The following ADAMTS20 variants were observed in gnomAD, a reference collection of about 807,000 sequenced individuals.
ADAMTS20 encodes ADAM metallopeptidase with thrombospondin type 1 motif 20, also known as A disintegrin and metalloproteinase with thrombospondin motifs 20.
Under a neutral mutation model 260.1 loss-of-function variants are expected in ADAMTS20, and 225 were observed. The ratio of observed to expected loss-of-function variants is 0.87; its 90% confidence interval spans 0.78 to 0.97. ADAMTS20 has a LOEUF of 0.97. ADAMTS20 is among the 50% of genes least tolerant of loss of function. The probability of loss-of-function intolerance (pLI) is 0.00; values close to 1 mark genes in which losing one functional copy is unlikely to be tolerated. For synonymous variants in ADAMTS20, 802 were observed against 769.5 expected, an observed-to-expected ratio of 1.04 and a Z score of -0.70; for missense variants, 2,400 against 2,337.7, an observed-to-expected ratio of 1.03 and a Z score of -0.55.
At chr12:43,355,341 G>A (rs1391918138) in intron 38 of ADAMTS20, among the ~76,000 whole-genome samples, 1 of 152,090 alleles carries the variant, frequency 6.6e-6, no homozygotes, top group Non-Finnish European at 1.5e-5. Context: ...AAGTATATCT[G>A]GATTTTACCA....
Position 43,551,908 on chromosome 12 carries a change from TTGGCCACCCACATGGTTCCACCC to T in ADAMTS20, c.-10_13del, listed in dbSNP as rs1209670963. 6.2e-7 allele frequency: 1 copy of T among 1,613,608 alleles called. No homozygotes were observed. The highest frequency in any genetic ancestry group is 1.1e-5 in the South Asian group (1 of 91,088). ...ATGGTAGAGCAGCCCAGTCAGCCAC[TTGGCCACCCACATGGTTCCACCC>T]TGGGGACCCCGATCGGGGAGGCCCA... is the stretch of plus-strand genomic sequence containing the variant. On this transcript the variant is annotated start_lost and 5_prime_UTR_variant, in exon 1 of 39. Transcript: ENST00000389420. The surrounding 1 kb of genome is among the most constrained non-coding windows in gnomAD (Gnocchi z 4.6).
intron 31 of ADAMTS20, 91 bp from the exon 32 acceptor site, chr12:43,377,653 T>A: frequency 1.0e-6 from 1 of 993,298 alleles, no homozygotes; most frequent in Non-Finnish European, 1.4e-6. Flanking sequence ...TTATGCTGTG[T>A]CATTTCCACA....
Position 43,427,484 on chromosome 12 carries a change from A to AC in ADAMTS20, c.3946-16dup. Reference sequence around the variant, plus strand: ...CTGCTGGAGCACTGACAAGAATAAAACACAAAATATGCACAAACTGCGGAT... The same window carrying AC: ...CTGCTGGAGCACTGACAAGAATAAAACCACAAAATATGCACAAACTGCGGAT... On this transcript the variant is annotated splice_polypyrimidine_tract_variant and intron_variant, in intron 26 of 38. Coordinates refer to ENST00000389420, the MANE Select transcript of ADAMTS20 (RefSeq NM_025003.5). The AC allele has an allele frequency of 6.3e-7, 1 of 1,590,772 alleles. No homozygotes were observed. The highest frequency in any genetic ancestry group is 8.5e-7 in the Non-Finnish European group (1 of 1,170,002).
intron 9 of ADAMTS20, 105 bp from the exon 10 acceptor site, chr12:43,464,837 A>G: frequency 7.9e-7 from 1 of 1,266,722 alleles, no homozygotes; most frequent in Non-Finnish European, 1.1e-6. Context: ...AGAGAATATC[A>G]GTATTTATTC....
At chr12:43,440,428 G>A (rs993398183) in intron 16 of ADAMTS20, among the ~76,000 whole-genome samples, 1 of 152,114 alleles carries the variant, frequency 6.6e-6, no homozygotes, top group Non-Finnish European at 1.5e-5. Flanking sequence ...GATTACAGGC[G>A]TGAGCAACCG....
chr12:43,463,296 A>T lies in ADAMTS20; in HGVS notation c.1510-297T>A, dbSNP rs185606012. 3.7e-4 allele frequency among the ~76,000 whole-genome samples: 56 copies of T among 152,314 alleles called. 1 individual carries two copies. Among genetic ancestry groups the T allele is most frequent in the Admixed American group, 3.1e-3 (48 of 15,294 alleles). On this transcript the variant is annotated intron_variant, in intron 10 of 38. Transcript: ENST00000389420. ...TGAGATAGTTTTCTCTCTTTACAAG[A>T]TATCTTTCTAAAGAACTTTTTATTG...
intron 27 of ADAMTS20, among the ~76,000 whole-genome samples, chr12:43,426,072 A>G (rs1941327472): frequency 6.6e-6 from 1 of 152,180 alleles, no homozygotes; most frequent in African/African-American, 2.4e-5. Context: ...ACAATATCCA[A>G]TCAACAGGTT....
intron 31 of ADAMTS20, among the ~76,000 whole-genome samples, chr12:43,380,620 G>A (rs757613633): frequency 7.2e-5 from 11 of 151,794 alleles, no homozygotes; most frequent in Non-Finnish European, 1.2e-4. Context: ...CACAAGCAAC[G>A]AATAATAAGA....
At chr12:43,375,818 C>T (rs1269492681) in intron 35 of ADAMTS20, among the ~76,000 whole-genome samples, 1 of 152,158 alleles carries the variant, frequency 6.6e-6, no homozygotes, top group East Asian at 1.9e-4. Flanking sequence ...GACTTCTCAC[C>T]CACAGTATTC....
At chr12:43,507,262 G>T (rs1245273355) in intron 3 of ADAMTS20, among the ~76,000 whole-genome samples, 1 of 152,128 alleles carries the variant, frequency 6.6e-6, no homozygotes, top group African/African-American at 2.4e-5. Context: ...TAAAGCTGGG[G>T]TGGGGGAAGT....
In ADAMTS20 at chr12:43,399,122, G is replaced by T. The variant is rs780764223; in HGVS notation, c.4396C>A (p.His1466Asn). ...CATCTGACAGATCTACAGGCTTTGT[G>T]AGTTGGAGGTTTCTGTACTTGACTG... is the stretch of plus-strand genomic sequence containing the variant. ...NCSQVQKPPT[H>N]KACRSVRCPS... The change falls in exon 29 of 39, where the codon CAC becomes AAC. Residue 1466 changes from histidine to asparagine, a missense_variant. By Grantham distance (68) the His-to-Asn change is moderately conservative. Transcript: ENST00000389420. 1 of 1,552,306 alleles carries T rather than the reference G, an allele frequency of 6.4e-7. No homozygotes were observed. Among genetic ancestry groups the T allele is most frequent in the Non-Finnish European group, 8.7e-7 (1 of 1,146,936 alleles).
chr12:43,459,360 G>A (rs189577866), intron 11 of ADAMTS20, among the ~76,000 whole-genome samples: 27 of 152,278 alleles, frequency 1.8e-4, no homozygotes, highest in African/African-American at 2.6e-4. Flanking sequence ...ACTAGTCACC[G>A]GGTTCCATGG....
intron 3 of ADAMTS20, among the ~76,000 whole-genome samples, chr12:43,523,607 G>A (rs970379794): frequency 1.3e-5 from 2 of 152,036 alleles, no homozygotes; most frequent in African/African-American, 4.8e-5. Context: ...GAAAAATTGT[G>A]ACTTTGAGAT....
At chr12:43,418,855 T>C (rs1249480511) in intron 28 of ADAMTS20, among the ~76,000 whole-genome samples, 2 of 152,204 alleles carry the variant, frequency 1.3e-5, no homozygotes, top group Admixed American at 1.3e-4. Flanking sequence ...CTTTTTCCAA[T>C]AATTATTTAT....
intron 7 of ADAMTS20, among the ~76,000 whole-genome samples, chr12:43,482,285 T>C (rs1039263204): frequency 6.6e-6 from 1 of 152,210 alleles, no homozygotes; most frequent in Non-Finnish European, 1.5e-5. Flanking sequence ...GAGCCTGAAG[T>C]GTGTTGTCAC....
At position 43,376,728 on chromosome 12, in the gene ADAMTS20, T is replaced by C. The variant is rs1940238381; in HGVS notation, c.4996-75A>G. ...CCATAAAATCCAAGTCTCCTTTTCT[T>C]AGACCAGGTATTTCTGGAGCACACT... On this transcript the variant is annotated intron_variant, in intron 32 of 38. Transcript: ENST00000389420. 4.6e-6 allele frequency: 7 copies of C among 1,509,466 alleles called. No homozygotes were observed. In the Admixed American group the frequency reaches 1.3e-4, roughly 28 times the overall value. The allele number at this position is 1,509,466 out of a possible 1,614,324, so 93.5% of individuals were successfully genotyped here. A position where few individuals can be genotyped will look rare whatever the true frequency, so the allele number is the denominator to read the frequency against.
chr12:43,419,277 G>A (rs979271376), intron 28 of ADAMTS20, among the ~76,000 whole-genome samples: 3 of 151,826 alleles, frequency 2.0e-5, no homozygotes, highest in Admixed American at 6.6e-5. Context: ...AGAATGATAC[G>A]TATGATCAAA....
chr12:43,514,342 A>T (rs1942968358), intron 3 of ADAMTS20, among the ~76,000 whole-genome samples: 1 of 151,826 alleles, frequency 6.6e-6, no homozygotes, highest in East Asian at 2.0e-4. Flanking sequence ...AGGCAGGCAG[A>T]TCATGAGGTC....
chr12:43,470,167 T>C (rs1011054931), intron 7 of ADAMTS20, among the ~76,000 whole-genome samples: 1 of 152,226 alleles, frequency 6.6e-6, no homozygotes, highest in Admixed American at 6.5e-5. Flanking sequence ...GATCATCATC[T>C]TATTATATGT....
Sources: allele counts gnomAD v4.1 joint callset (sites outside exome capture counted in the v4.1 genomes callset), GRCh38; gene constraint gnomAD v4.1.1; non-coding constraint Gnocchi (gnomAD v3.1); transcripts MANE v1.5; gene names NCBI Gene and HGNC (gene_info 2026-07-23, HGNC 2026-07-21).